Variants in NOTCH2NLA observed in about 807,000 individuals in gnomAD.
The protein encoded by NOTCH2NLA is notch 2 N-terminal like A, also known as notch homolog 2 N-terminal-like protein A.
In NOTCH2NLA at chr1:146,228,968, C is replaced by G. The variant is rs782551854; in HGVS notation, c.-304G>C. 1.5e-5 allele frequency: 21 copies of G among 1,431,512 alleles called. No individual in the cohort carries two copies. The African/African-American group carries it at 2.3e-4, about 16-fold the overall frequency. 88.7% of individuals were successfully genotyped at this position (1,431,512 alleles called of 1,614,324 possible). On this transcript the variant is annotated 5_prime_UTR_variant, in exon 1 of 5. Transcript: ENST00000362074. ...TCCCCGCGCCCCGAGTCCGCCGCTCCTCGGCCGCCGCCTCAGCCGCCGCCC... is the reference window on the plus strand; with the variant it reads ...TCCCCGCGCCCCGAGTCCGCCGCTCGTCGGCCGCCGCCTCAGCCGCCGCCC...
rs1457323924 is a variant in NOTCH2NLA at position 146,178,189 on chromosome 1, TG to T, written c.38+11110del. Among the ~76,000 whole-genome samples the T allele has an allele frequency of 4.3e-4, 61 of 140,482 alleles. 1 individual carries two copies. The highest frequency in any genetic ancestry group is 1.5e-3 in the African/African-American group (59 of 40,590). 92.2% of individuals were successfully genotyped at this position (140,482 alleles called of 152,430 possible). A position where few individuals can be genotyped will look rare whatever the true frequency, so the allele number is the denominator to read the frequency against. On this transcript the variant is annotated intron_variant, in intron 2 of 4. Transcript: ENST00000362074. ...TTCTATCCCAAACAACTGGCCAACA[TG>T]AGAGCCTGTTTTCTTGAGCATAGAA...
intron 2 of NOTCH2NLA, among the ~76,000 whole-genome samples, chr1:146,180,759 T>A (rs1662511345): frequency 7.2e-6 from 1 of 138,454 alleles, no homozygotes; most frequent in South Asian, 2.2e-4. Context: ...AGAGGAGGCC[T>A]AATGAAAACC....
At chr1:146,157,758 ACT>A (rs587692529) in intron 3 of NOTCH2NLA, among the ~76,000 whole-genome samples, 57 of 99,694 alleles carry the variant, frequency 5.7e-4, no homozygotes, top group East Asian at 5.4e-3. Flanking sequence ...ACAAGTCAAT[ACT>A]ACTTCTGTTT....
chr1:146,166,374 G>GA (rs1488342640), intron 2 of NOTCH2NLA, among the ~76,000 whole-genome samples: 6 of 151,456 alleles, frequency 4.0e-5, no homozygotes, highest in Admixed American at 1.3e-4. Context: ...AACTAAGACA[G>GA]AAAATGCCCA....
At chr1:146,171,782 ATAC>A (rs1251929522) in intron 2 of NOTCH2NLA, among the ~76,000 whole-genome samples, 1 of 135,242 alleles carries the variant, frequency 7.4e-6, no homozygotes, top group East Asian at 2.0e-4. Context: ...AAGCCACAAA[ATAC>A]TACTATGTGC....
chr1:146,228,970 C>G (rs781895504), exon 1 of NOTCH2NLA: 1 of 1,427,534 alleles, frequency 7.0e-7, no homozygotes, highest in Non-Finnish European at 9.1e-7. Context: ...CGCCGCTCCT[C>G]GGCCGCCGCC....
intron 2 of NOTCH2NLA, among the ~76,000 whole-genome samples, chr1:146,186,319 C>A (rs1553810173): frequency 7.9e-6 from 1 of 126,880 alleles, no homozygotes; most frequent in African/African-American, 2.5e-5. Flanking sequence ...CAACAATTAA[C>A]AAGTAGCCAG....
At chr1:146,171,224 G>A (rs1661960398) in intron 2 of NOTCH2NLA, among the ~76,000 whole-genome samples, 1 of 123,150 alleles carries the variant, frequency 8.1e-6, no homozygotes, top group East Asian at 2.1e-4. Flanking sequence ...CAGGTCAGGA[G>A]ATCGAGACCA....
At chr1:146,195,104 C>T (rs1351256125) in intron 1 of NOTCH2NLA, among the ~76,000 whole-genome samples, 1 of 110,922 alleles carries the variant, frequency 9.0e-6, no homozygotes, top group African/African-American at 3.9e-5. Flanking sequence ...TCTTCTAGCT[C>T]TCTGCTTTTT....
rs781975555 is a variant in NOTCH2NLA at position 146,208,318 on chromosome 1, CAAT to C, written c.-44-18940_-44-18938del. ...AAGTTATAGTGATGACTAATAACAT[CAAT>C]ATTATTATTATTAAATTCAAGAATT... On this transcript the variant is annotated intron_variant, in intron 1 of 4. Coordinates refer to ENST00000362074, the Ensembl canonical transcript of NOTCH2NLA. Among the ~76,000 whole-genome samples, 33 of 114,964 alleles carry C rather than the reference CAAT, an allele frequency of 2.9e-4. 1 individual carries two copies. In the South Asian group the frequency reaches 8.9e-3, roughly 31 times the overall value. 75.4% of individuals were successfully genotyped at this position (114,964 alleles called of 152,430 possible).
rs587646821 is a variant in NOTCH2NLA at position 146,174,733 on chromosome 1, A to G, written c.39-9723T>C. On this transcript the variant is annotated intron_variant, in intron 2 of 4. Transcript: ENST00000362074. Reference sequence around the variant, plus strand: ...TTGCACTGGGCCTCTTGGCCCCCCAATCCACAGTGGCAGCCTGCCCTAGCT... The same window carrying G: ...TTGCACTGGGCCTCTTGGCCCCCCAGTCCACAGTGGCAGCCTGCCCTAGCT... 3.9e-3 allele frequency among the ~76,000 whole-genome samples: 564 copies of G among 143,788 alleles called. 5 individuals carry two copies. The highest frequency in any genetic ancestry group is 0.013 in the African/African-American group (530 of 41,054). The allele number at this position is 143,788 out of a possible 152,430, so 94.3% of individuals were successfully genotyped here. A position where few individuals can be genotyped will look rare whatever the true frequency, so the allele number is the denominator to read the frequency against.
intron 3 of NOTCH2NLA, among the ~76,000 whole-genome samples, chr1:146,158,736 G>C (rs1162484455): frequency 1.3e-5 from 2 of 151,986 alleles, no homozygotes; most frequent in Admixed American, 1.3e-4. Flanking sequence ...TGATTGTCTA[G>C]GAAAGTATCT....
chr1:146,161,633 C>A (rs1368765965), intron 3 of NOTCH2NLA, among the ~76,000 whole-genome samples: 1 of 57,232 alleles, frequency 1.7e-5, no homozygotes. Context: ...AGGAACGCTG[C>A]CATCAGAAGA....
chr1:146,162,145 AT>A (rs1176517379), intron 3 of NOTCH2NLA, among the ~76,000 whole-genome samples: 5 of 139,754 alleles, frequency 3.6e-5, no homozygotes, highest in Non-Finnish European at 6.2e-5. Flanking sequence ...TACTAAGAAA[AT>A]ATCTTCATTT....
In NOTCH2NLA at chr1:146,228,633, G is replaced by C. The variant is rs1252427954; in HGVS notation, c.-45+76C>G. The C allele has an allele frequency of 6.2e-6, 9 of 1,448,590 alleles. 1 individual carries two copies. Among genetic ancestry groups the C allele is most frequent in the African/African-American group, 1.5e-5 (1 of 66,070 alleles). 89.7% of individuals were successfully genotyped at this position (1,448,590 alleles called of 1,614,324 possible). On this transcript the variant is annotated intron_variant, in intron 1 of 4. Transcript: ENST00000362074. ...GAGCCTGGCCTTCCCACACAGAGAA[G>C]GACCGAGGGGGAGAAGGGTCGCCCC...
At chr1:146,159,993 A>G (rs1274561638) in intron 3 of NOTCH2NLA, among the ~76,000 whole-genome samples, 1 of 135,958 alleles carries the variant, frequency 7.4e-6, no homozygotes, top group African/African-American at 2.6e-5. Context: ...AAAAAAAAAA[A>G]AAGGTGATCA....
chr1:146,226,277 GA>G (rs1295262808), intron 1 of NOTCH2NLA, among the ~76,000 whole-genome samples: 33 of 120,970 alleles, frequency 2.7e-4, no homozygotes, highest in Non-Finnish European at 1.2e-4. Flanking sequence ...GTTTAAGCAA[GA>G]GAAGAATTCA....
At chr1:146,159,966 C>CAAAAAA (rs782308523) in intron 3 of NOTCH2NLA, among the ~76,000 whole-genome samples, 561 of 7,460 alleles carry the variant, frequency 0.075, 121 homozygotes, top group Non-Finnish European at 0.17. Context: ...TACTCCATCT[C>CAAAAAA]AAAAAAAAAA....
At chr1:146,180,642 T>C (rs1662503089) in intron 2 of NOTCH2NLA, among the ~76,000 whole-genome samples, 1 of 143,214 alleles carries the variant, frequency 7.0e-6, no homozygotes, top group Admixed American at 7.1e-5. Flanking sequence ...CTAAAAGAAA[T>C]ATGAAAACAA....
Sources: gnomAD v4.1 joint callset for allele counts (sites outside exome capture counted in the v4.1 genomes callset) on GRCh38, gnomAD v4.1.1 for gene constraint, MANE v1.5 for transcripts, NCBI Gene and HGNC (gene_info 2026-07-23, HGNC 2026-07-21) for gene names.